Variants in KLC1 observed in about 807,000 individuals in gnomAD.
KLC1 encodes the protein kinesin light chain 1.
A neutral mutation model predicts 84.2 loss-of-function variants in KLC1; 30 were observed. The ratio of observed to expected loss-of-function variants is 0.36; its 90% CI spans 0.27 to 0.48. The LOEUF (loss-of-function observed/expected upper bound fraction) is 0.48. KLC1 is among the 20% of genes least tolerant of loss of function. KLC1 has a pLI of 0.99. For synonymous variants in KLC1, 289 were observed against 293.3 expected (o/e 0.99, Z 0.15); for missense variants, 499 against 805.4 (o/e 0.62, Z 4.60).
intron 14 of KLC1, 80 bp from the exon 15 acceptor site, chr14:103,692,279 G>T: frequency 4.5e-6 from 6 of 1,336,038 alleles, no homozygotes; most frequent in Non-Finnish European, 6.2e-6. Flanking sequence ...GGCGTTGGAG[G>T]GGGCTTTGCT....
Position 103,657,599 on chromosome 14 carries a change from AC to A in KLC1, c.316del (p.Leu106CysfsTer46). The A allele has an allele frequency of 6.2e-7, 1 of 1,614,158 alleles. No homozygotes were observed. Among genetic ancestry groups the A allele is most frequent in the Non-Finnish European group, 8.5e-7 (1 of 1,180,034 alleles). ...ATGCTGTGGAGTCCGAGAAGCAGAA[AC>A]TGCGTGCGCAGGTTCGTCGTCTGTG... ...LNAVESEKQKLRAQVRRLCQE... is the reference protein window; with the variant it reads ...LNAVESEKQKXRAQVRRLCQE... On this transcript the variant is annotated frameshift_variant, in exon 3 of 17. Coordinates refer to ENST00000334553, the MANE Select transcript of KLC1 (RefSeq NM_001394837.1). LOFTEE classifies it high-confidence loss of function.
chr14:103,630,831 T>A (rs2076616038), intron 1 of KLC1, among the ~76,000 whole-genome samples: 2 of 152,208 alleles, frequency 1.3e-5, no homozygotes, highest in African/African-American at 2.4e-5. Flanking sequence ...TCTCTCCAAG[T>A]CATCAAAGAA....
In KLC1 at chr14:103,630,614, T is replaced by C. The variant is rs376561008; in HGVS notation, c.-2+1120T>C. On this transcript the variant is annotated intron_variant, in intron 1 of 16. Coordinates refer to ENST00000334553, the MANE Select transcript of KLC1 (RefSeq NM_001394837.1). ...TGCACTAGTTTAGTGAAAGACACTT[T>C]AGAAAACTGGAAGAACCTCCTGAAG... Among the ~76,000 whole-genome samples the C allele has an allele frequency of 1.1e-4, 16 of 152,300 alleles. No homozygotes were observed. In the East Asian group the frequency reaches 2.3e-3, roughly 22 times the overall value.
chr14:103,675,700 G>T lies in KLC1; in HGVS notation c.1323G>T (p.Lys441Asn), dbSNP rs1317537883. The T allele has an allele frequency of 6.2e-7, 1 of 1,613,464 alleles. No individual in the cohort carries two copies. Among genetic ancestry groups the T allele is most frequent in the East Asian group, 2.2e-5 (1 of 44,894 alleles). ...TTCTTATAATTTAGGGAAAGCAAAAGGATGGGACATCTTTTGGAGAGTATG... is the reference window on the plus strand; with the variant it reads ...TTCTTATAATTTAGGGAAAGCAAAATGATGGGACATCTTTTGGAGAGTATG... ...EEREECKGKQ[K>N]DGTSFGEYGG... The change falls in exon 11 of 17, where the codon AAG becomes AAT. Residue 441 changes from lysine to asparagine, a missense_variant. Lys to Asn is a moderately conservative substitution (Grantham distance 94). Around this residue, in one of 3 missense-constraint regions of KLC1, gnomAD observed 153 missense variants for 332.4 expected, o/e 0.46. Transcript: ENST00000334553.
intron 1 of KLC1, among the ~76,000 whole-genome samples, chr14:103,629,915 C>G (rs1372436073): frequency 6.6e-6 from 1 of 152,144 alleles, no homozygotes; most frequent in Non-Finnish European, 1.5e-5. Flanking sequence ...GGTGGCTGAC[C>G]CCGGGATCGC....
At chr14:103,634,993 T>A (rs1172692845) in intron 1 of KLC1, among the ~76,000 whole-genome samples, 1 of 152,244 alleles carries the variant, frequency 6.6e-6, no homozygotes, top group Non-Finnish European at 1.5e-5. Context: ...AGCCTCCTAG[T>A]TAGTATACTC....
intron 15 of KLC1, chr14:103,696,020 G>T: frequency 1.0e-6 from 1 of 985,020 alleles, no homozygotes; most frequent in Non-Finnish European, 1.2e-6. Context: ...GTGTGTGGTC[G>T]TTCTGGTGAG....
intron 15 of KLC1, chr14:103,698,540 CAG>C (rs2082772102): frequency 1.9e-6 from 1 of 540,014 alleles, no homozygotes; most frequent in Non-Finnish European, 3.4e-6. Context: ...CCCCAAGGGC[CAG>C]CTCAGCAGTG....
rs2082179784 is a variant in KLC1, at chr14:103,692,520, C to G, written c.1848+95C>G. On this transcript the variant is annotated intron_variant, in intron 15 of 16. Coordinates refer to ENST00000334553, the MANE Select transcript of KLC1 (RefSeq NM_001394837.1). ...ACTCGGCCCCTGCTCGGCCCCTGCT[C>G]CTGCAGAGGGCTGGGGACGCCGCCA... 8 of 1,039,262 alleles carry G rather than the reference C, an allele frequency of 7.7e-6. No homozygotes were observed. The South Asian group carries it at 1.1e-4, about 14-fold the overall frequency. The allele number at this position is 1,039,262 out of a possible 1,614,324, so 64.4% of individuals were successfully genotyped here. A position where few individuals can be genotyped will look rare whatever the true frequency, so the allele number is the denominator to read the frequency against.
At chr14:103,700,004 A>G in intron 15 of KLC1, 1 of 281,866 alleles carries the variant, frequency 3.5e-6, no homozygotes, top group South Asian at 3.6e-5. Flanking sequence ...AGACCACCCA[A>G]ACCTGGCCAC....
intron 15 of KLC1, chr14:103,700,145 T>C (rs886912147): frequency 2.5e-5 from 5 of 202,988 alleles, no homozygotes; most frequent in African/African-American, 7.0e-5. Context: ...TGGGGCACTC[T>C]GGGAGACCAC....
intron 1 of KLC1, among the ~76,000 whole-genome samples, chr14:103,647,556 T>A (rs772947122): frequency 1.3e-5 from 2 of 152,006 alleles, no homozygotes; most frequent in Non-Finnish European, 1.5e-5. Context: ...TTGTTTCTTA[T>A]ATTTCCAAAA....
At chr14:103,648,853 T>C (rs1219310517) in intron 1 of KLC1, among the ~76,000 whole-genome samples, 1 of 151,720 alleles carries the variant, frequency 6.6e-6, no homozygotes, top group African/African-American at 2.4e-5. Context: ...AATGGCACAG[T>C]GGGCTGGGTG....
At chr14:103,632,779 C>CTCT (rs1410820058) in intron 1 of KLC1, among the ~76,000 whole-genome samples, 1 of 152,030 alleles carries the variant, frequency 6.6e-6, no homozygotes, top group East Asian at 1.9e-4. Context: ...CACAGGCTGG[C>CTCT]ATGGGCAGGT....
intron 7 of KLC1, 48 bp from the exon 8 acceptor site, chr14:103,672,966 G>C (rs781650847): frequency 2.0e-6 from 3 of 1,538,294 alleles, no homozygotes; most frequent in Non-Finnish European, 1.8e-6. Flanking sequence ...AGAATGGATT[G>C]GATGGAAGCA....
At chr14:103,696,004 C>T (rs914957839) in intron 15 of KLC1, 1 of 985,380 alleles carries the variant, frequency 1.0e-6, no homozygotes, top group Non-Finnish European at 1.2e-6. Context: ...AGGCATCCCT[C>T]CTCCTGTGTG....
rs143786430 is a variant in KLC1, at chr14:103,649,687, G to A, written c.-1-4877G>A. ...TTAAAGAGGTTTGACCCTAAAAAGGGCTTCTTATGTGTTTTTTTTTTTTTT... is the reference window on the plus strand; with the variant it reads ...TTAAAGAGGTTTGACCCTAAAAAGGACTTCTTATGTGTTTTTTTTTTTTTT... On this transcript the variant is annotated intron_variant, in intron 1 of 16. Coordinates refer to ENST00000334553, the MANE Select transcript of KLC1 (RefSeq NM_001394837.1). Among the ~76,000 whole-genome samples the A allele has an allele frequency of 6.0e-5, 9 of 151,204 alleles. No individual in the cohort carries two copies. The East Asian group carries it at 1.7e-3, about 29-fold the overall frequency.
rs2083105864 is a variant in KLC1, at chr14:103,700,652, C to T, written c.1849-3C>T. On this transcript the variant is annotated splice_region_variant and splice_polypyrimidine_tract_variant and intron_variant, in intron 15 of 16. Transcript: ENST00000334553. ...GTGAAACTCGTCTGTGCTTCATCTCCAGGGCGTCTCTGGCCGAGCCTCTTT... is the reference window on the plus strand; with the variant it reads ...GTGAAACTCGTCTGTGCTTCATCTCTAGGGCGTCTCTGGCCGAGCCTCTTT... 4 of 1,606,504 alleles carry T rather than the reference C, an allele frequency of 2.5e-6. No homozygotes were observed. The highest frequency in any genetic ancestry group is 3.4e-6 in the Non-Finnish European group (4 of 1,177,274).
intron 1 of KLC1, among the ~76,000 whole-genome samples, chr14:103,649,501 G>A (rs2078219732): frequency 6.7e-6 from 1 of 150,018 alleles, no homozygotes. Flanking sequence ...GGCCAAGGTG[G>A]GAGGATCACT....
Sources: gnomAD v4.1 joint callset for allele counts (sites outside exome capture counted in the v4.1 genomes callset) on GRCh38, gnomAD v4.1.1 for gene constraint, gnomAD v4.1.1 regional missense constraint, MANE v1.5 for transcripts, NCBI Gene and HGNC (gene_info 2026-07-23, HGNC 2026-07-21) for gene names.